Variants in ATP8B1 observed in about 807,000 individuals in gnomAD.
ATP8B1 encodes phospholipid-transporting ATPase IC.
A neutral mutation model predicts 149.9 loss-of-function variants in ATP8B1; 80 were observed. That is an observed-to-expected ratio of 0.53 (90% CI 0.45 to 0.64). The LOEUF (loss-of-function observed/expected upper bound fraction) is 0.64, where lower values mean the gene tolerates loss of function less well. Ranked by LOEUF, ATP8B1 falls within the 30% of genes least tolerant of loss-of-function variation. ATP8B1 has a pLI of 0.00. For synonymous variants in ATP8B1, 536 were observed against 562.8 expected (o/e 0.95, Z 0.67); for missense variants, 1,247 against 1,552.6 (o/e 0.80, Z 3.31).
intron 1 of ATP8B1, among the ~76,000 whole-genome samples, chr18:57,735,967 G>GCCCCCCCCCCCCCCCCC (rs59140378): frequency 7.4e-6 from 1 of 134,336 alleles, no homozygotes; most frequent in Admixed American, 7.8e-5. Flanking sequence ...CCCATTCCTT[G>GCCCCCCCCCCCCCCCCC]CCCCCCCCAC....
rs1180921611 is a variant in ATP8B1 at position 57,661,516 on chromosome 18, T to C, written c.2419-54A>G. 1.9e-6 allele frequency: 3 copies of C among 1,555,722 alleles called. No homozygotes were observed. The African/African-American group carries it at 4.1e-5, about 21-fold the overall frequency. ...ATTCACTTTAGTTTTACCCCAGGAGTACCATTCCCAAGATTTAAATTATGT... is the reference window on the plus strand; with the variant it reads ...ATTCACTTTAGTTTTACCCCAGGAGCACCATTCCCAAGATTTAAATTATGT... On this transcript the variant is annotated intron_variant, in intron 21 of 27. Transcript: ENST00000648908.
chr18:57,670,890 G>T (rs141988468), intron 17 of ATP8B1, among the ~76,000 whole-genome samples: 4,056 of 152,038 alleles, frequency 0.027, 77 homozygotes, highest in Non-Finnish European at 0.037. Flanking sequence ...TGTATTTTTA[G>T]TGGAGACGGG....
At chr18:57,697,575 T>C in intron 8 of ATP8B1, 43 bp downstream of exon 8, 1 of 1,603,248 alleles carries the variant, frequency 6.2e-7, no homozygotes, top group Non-Finnish European at 8.5e-7. Flanking sequence ...TGAATGTGCC[T>C]TCAAAGGCCA....
chr18:57,668,094 A>G (rs1373189041), intron 19 of ATP8B1: 6 of 1,321,966 alleles, frequency 4.5e-6, no homozygotes, highest in Non-Finnish European at 5.9e-6. Flanking sequence ...TGTGCCCACC[A>G]AATGTCAAAG....
chr18:57,791,633 C>T lies in ATP8B1; in HGVS notation c.-26+11365G>A, dbSNP rs551930599. Among the ~76,000 whole-genome samples the T allele has an allele frequency of 3.3e-5, 5 of 152,174 alleles. No individual in the cohort carries two copies. The East Asian group carries it at 5.8e-4, about 18-fold the overall frequency. On this transcript the variant is annotated intron_variant, in intron 1 of 27. Coordinates refer to ENST00000648908, the MANE Select transcript of ATP8B1 (RefSeq NM_001374385.1). Reference sequence around the variant, plus strand: ...TGCTGGGATTACAGGCATAAGCCACCGTGCTCAGCGAAAATTTCCTTCCTT... The same window carrying T: ...TGCTGGGATTACAGGCATAAGCCACTGTGCTCAGCGAAAATTTCCTTCCTT...
At chr18:57,694,718 C>T in intron 10 of ATP8B1, 48 bp from the exon 11 acceptor site, 1 of 1,217,546 alleles carries the variant, frequency 8.2e-7, no homozygotes, top group African/African-American at 1.5e-5. Flanking sequence ...AAAATCAATT[C>T]ACTAGCTCAC....
intron 2 of ATP8B1, 73 bp from the exon 3 acceptor site, chr18:57,706,660 C>G: frequency 8.1e-7 from 1 of 1,241,572 alleles, no homozygotes; most frequent in Non-Finnish European, 1.2e-6. Flanking sequence ...GTGTCTTCCC[C>G]AGATTCAAAT....
At chr18:57,673,500 T>C (rs1248892599) in intron 16 of ATP8B1, among the ~76,000 whole-genome samples, 1 of 151,614 alleles carries the variant, frequency 6.6e-6, no homozygotes, top group Non-Finnish European at 1.5e-5. Flanking sequence ...AGGCCTGCAA[T>C]TTATTCTCTT....
chr18:57,725,524 A>G (rs1412658226), intron 2 of ATP8B1, among the ~76,000 whole-genome samples: 2 of 152,228 alleles, frequency 1.3e-5, no homozygotes, highest in African/African-American at 4.8e-5. Context: ...GAAATAGAAA[A>G]AAAATCCTAA....
chr18:57,751,448 T>A, intron 1 of ATP8B1, among the ~76,000 whole-genome samples: 1 of 143,970 alleles, frequency 6.9e-6, no homozygotes, highest in Non-Finnish European at 1.6e-5. Flanking sequence ...GCCAAGATGC[T>A]GTCTTGAAAA....
At chr18:57,664,656 TA>T (rs371442471) in intron 20 of ATP8B1, among the ~76,000 whole-genome samples, 221 of 152,338 alleles carry the variant, frequency 1.5e-3, no homozygotes, top group African/African-American at 5.2e-3. Context: ...ATGTTTGTGT[TA>T]AAATGATATA....
At chr18:57,756,457 T>C (rs958168419) in intron 1 of ATP8B1, among the ~76,000 whole-genome samples, 9 of 151,570 alleles carry the variant, frequency 5.9e-5, no homozygotes, top group Middle Eastern at 3.4e-3. Flanking sequence ...CCTGCCACCA[T>C]GCCCAGCTAA....
chr18:57,722,517 G>C (rs537304637), intron 2 of ATP8B1, among the ~76,000 whole-genome samples: 15 of 129,256 alleles, frequency 1.2e-4, no homozygotes, highest in African/African-American at 3.5e-4. Flanking sequence ...ATAAATTCCT[G>C]GACACATACA....
chr18:57,789,855 A>G (rs1023089145), intron 1 of ATP8B1, among the ~76,000 whole-genome samples: 2 of 152,210 alleles, frequency 1.3e-5, no homozygotes, highest in Admixed American at 6.5e-5. Context: ...TACCAATGAT[A>G]GGAAGCACTG....
chr18:57,765,659 A>T (rs553651906), intron 1 of ATP8B1, among the ~76,000 whole-genome samples: 1 of 145,304 alleles, frequency 6.9e-6, no homozygotes, highest in East Asian at 2.0e-4. Context: ...ACAGAGTGAG[A>T]CTCTGTCTCA....
chr18:57,753,817 A>G (rs1251957209), intron 1 of ATP8B1, among the ~76,000 whole-genome samples: 2 of 151,540 alleles, frequency 1.3e-5, no homozygotes, highest in African/African-American at 2.4e-5. Context: ...AGTCCCAGCT[A>G]CTTGGGAGGC....
In ATP8B1 at chr18:57,646,655, C is replaced by T. The variant is rs574070627; in HGVS notation, c.*1833G>A. ...GAGAAATCTGAAACTAACAGAATTA[C>T]ACAAGCTAAGTTTTCTGTAAAAAAA... On this transcript the variant is annotated 3_prime_UTR_variant, in exon 28 of 28. Coordinates refer to ENST00000648908, the MANE Select transcript of ATP8B1 (RefSeq NM_001374385.1). The T allele has an allele frequency of 2.0e-5, 3 of 152,520 alleles. No homozygotes were observed. Among genetic ancestry groups the T allele is most frequent in the Non-Finnish European group, 4.4e-5 (3 of 68,030 alleles). The allele number at this position is 152,520 out of a possible 1,614,324, so 9.4% of individuals were successfully genotyped here. A position where few individuals can be genotyped will look rare whatever the true frequency, so the allele number is the denominator to read the frequency against.
intron 13 of ATP8B1, among the ~76,000 whole-genome samples, chr18:57,686,816 G>A (rs1318906585): frequency 6.6e-6 from 1 of 152,078 alleles, no homozygotes; most frequent in Non-Finnish European, 1.5e-5. Flanking sequence ...GATTGCAGGC[G>A]TGAGCCACTG....
intron 12 of ATP8B1, among the ~76,000 whole-genome samples, chr18:57,689,522 A>G (rs1912423751): frequency 6.6e-6 from 1 of 152,222 alleles, no homozygotes; most frequent in Admixed American, 6.5e-5. Context: ...AAACAGATGG[A>G]AAAATGATGC....
Sources: allele counts gnomAD v4.1 joint callset (sites outside exome capture counted in the v4.1 genomes callset), GRCh38; gene constraint gnomAD v4.1.1; transcripts MANE v1.5; gene names NCBI Gene and HGNC (gene_info 2026-07-23, HGNC 2026-07-21).